The following DLG2 variants were observed in gnomAD, a reference collection of about 807,000 sequenced individuals.
DLG2 encodes the protein discs large MAGUK scaffold protein 2.
Under a neutral mutation model 132.5 loss-of-function variants are expected in DLG2, and 45 were observed. That is an observed-to-expected ratio of 0.34 (90% CI 0.27 to 0.44). The LOEUF is 0.44. Ranked by LOEUF, DLG2 falls within the 20% of genes least tolerant of loss-of-function variation. DLG2 has a pLI of 1.00. For synonymous variants in DLG2, 424 were observed against 419.6 expected (o/e 1.01, Z -0.13); for missense variants, 1,045 against 1,196.9 (o/e 0.87, Z 1.87).
At chr11:85,487,588 T>C (rs1362203030) in intron 3 of DLG2, among the ~76,000 whole-genome samples, 1 of 151,774 alleles carries the variant, frequency 6.6e-6, no homozygotes, top group African/African-American at 2.4e-5. Flanking sequence ...AACAATTTCA[T>C]AACTTGAAGA....
chr11:85,372,846 C>T (rs796421110), intron 3 of DLG2, among the ~76,000 whole-genome samples: 2 of 152,274 alleles, frequency 1.3e-5, no homozygotes, highest in African/African-American at 4.8e-5. Context: ...TGAAGTACCC[C>T]TGGTATCTGT....
intron 6 of DLG2, among the ~76,000 whole-genome samples, chr11:84,990,178 C>T (rs2056931834): frequency 6.6e-6 from 1 of 152,152 alleles, no homozygotes; most frequent in South Asian, 2.1e-4. Flanking sequence ...TAAAAATAGG[C>T]CAGTGACTTC....
At chr11:85,512,169 G>A (rs1161629374) in intron 3 of DLG2, among the ~76,000 whole-genome samples, 1 of 152,010 alleles carries the variant, frequency 6.6e-6, no homozygotes, top group African/African-American at 2.4e-5. Context: ...GGCATCAAAT[G>A]AAAGATTTCT....
chr11:84,931,670 C>T (rs2048105600), intron 6 of DLG2, among the ~76,000 whole-genome samples: 1 of 152,130 alleles, frequency 6.6e-6, no homozygotes, highest in Non-Finnish European at 1.5e-5. Flanking sequence ...GTCTTGAGGT[C>T]TTTGAGGAAA....
At chr11:84,232,592 T>C (rs1038868718) in intron 8 of DLG2, among the ~76,000 whole-genome samples, 4 of 152,110 alleles carry the variant, frequency 2.6e-5, no homozygotes, top group Non-Finnish European at 5.9e-5. Context: ...TTAGAGTTCT[T>C]AGAAGAAGAT....
chr11:84,351,436 A>T (rs1287802824), intron 7 of DLG2, among the ~76,000 whole-genome samples: 1 of 152,146 alleles, frequency 6.6e-6, no homozygotes, highest in Non-Finnish European at 1.5e-5. Flanking sequence ...ATGCATACAT[A>T]CTCACGTAAA....
intron 7 of DLG2, among the ~76,000 whole-genome samples, chr11:84,289,170 A>G (rs1394760881): frequency 6.6e-6 from 1 of 152,166 alleles, no homozygotes; most frequent in Non-Finnish European, 1.5e-5. Context: ...CTAATTAAAA[A>G]GTTAATCCTT....
In DLG2 at chr11:84,178,533, T is replaced by G. The variant is rs1447275023; in HGVS notation, c.574-15022A>C. ...AGGAGATAGGAAAAGGAAGGCCTATTCGAAAATAAAATCTCAGGCCAAGTT... is the reference window on the plus strand; with the variant it reads ...AGGAGATAGGAAAAGGAAGGCCTATGCGAAAATAAAATCTCAGGCCAAGTT... On this transcript the variant is annotated intron_variant, in intron 8 of 27. Coordinates refer to ENST00000376104, the MANE Select transcript of DLG2 (RefSeq NM_001142699.3). Among the ~76,000 whole-genome samples, 8 of 152,110 alleles carry G rather than the reference T, an allele frequency of 5.3e-5. No individual in the cohort carries two copies. In the South Asian group the frequency reaches 1.2e-3, roughly 24 times the overall value.
chr11:84,530,412 T>C (rs1435906894), intron 7 of DLG2, among the ~76,000 whole-genome samples: 1 of 152,102 alleles, frequency 6.6e-6, no homozygotes, highest in African/African-American at 2.4e-5. Flanking sequence ...GGGTCTAATA[T>C]TCAGAATCCA....
chr11:84,848,942 G>T (rs183419532), intron 6 of DLG2, among the ~76,000 whole-genome samples: 13 of 152,300 alleles, frequency 8.5e-5, no homozygotes, highest in Non-Finnish European at 1.6e-4. Context: ...ATACATAACA[G>T]AGGTAATACA....
At chr11:84,357,614 A>G (rs1031763095) in intron 7 of DLG2, among the ~76,000 whole-genome samples, 4 of 152,064 alleles carry the variant, frequency 2.6e-5, no homozygotes, top group Non-Finnish European at 5.9e-5. Flanking sequence ...TGCTAAAAGT[A>G]GAGGGGGCAG....
chr11:84,732,513 C>G (rs183287647), intron 6 of DLG2, among the ~76,000 whole-genome samples: 1 of 151,854 alleles, frequency 6.6e-6, no homozygotes, highest in Non-Finnish European at 1.5e-5. Flanking sequence ...TCCTTAATGA[C>G]TCATTGTGTT....
chr11:84,308,604 G>A (rs1049123781), intron 7 of DLG2, among the ~76,000 whole-genome samples: 5 of 152,278 alleles, frequency 3.3e-5, no homozygotes, highest in African/African-American at 7.2e-5. Flanking sequence ...AGCAGGGGGC[G>A]GCGCTGGTAG....
intron 15 of DLG2, among the ~76,000 whole-genome samples, chr11:83,878,139 T>C (rs1439182532): frequency 6.6e-6 from 1 of 152,178 alleles, no homozygotes; most frequent in Non-Finnish European, 1.5e-5. Context: ...TACATATCCA[T>C]AATAGCACCC....
chr11:84,771,655 G>A (rs1213265093), intron 6 of DLG2, among the ~76,000 whole-genome samples: 3 of 152,108 alleles, frequency 2.0e-5, no homozygotes, highest in Admixed American at 1.3e-4. Flanking sequence ...TTTATAAACA[G>A]AAATGAGAGA....
At chr11:83,959,723 A>T (rs1266341793) in intron 14 of DLG2, among the ~76,000 whole-genome samples, 1 of 152,076 alleles carries the variant, frequency 6.6e-6, no homozygotes, top group Non-Finnish European at 1.5e-5. Flanking sequence ...AGCACTACCA[A>T]CCAGGGATGC....
At chr11:84,448,290 AT>A (rs2099041478) in intron 7 of DLG2, among the ~76,000 whole-genome samples, 1 of 152,022 alleles carries the variant, frequency 6.6e-6, no homozygotes, top group South Asian at 2.1e-4. Context: ...CTTAGTTTTA[AT>A]TTCATTTCCA....
intron 7 of DLG2, among the ~76,000 whole-genome samples, chr11:84,343,133 G>A (rs1045687126): frequency 2.6e-5 from 4 of 152,202 alleles, no homozygotes; most frequent in Non-Finnish European, 5.9e-5. Flanking sequence ...CTGGAGAAGA[G>A]AAAGCTTTGC....
chr11:85,473,171 C>G (rs1356371841), intron 3 of DLG2, among the ~76,000 whole-genome samples: 1 of 152,246 alleles, frequency 6.6e-6, no homozygotes, highest in Non-Finnish European at 1.5e-5. Context: ...CTGGCTTGCC[C>G]TTGGTGGGCC....
Sources: allele counts gnomAD v4.1 joint callset (sites outside exome capture counted in the v4.1 genomes callset), GRCh38; gene constraint gnomAD v4.1.1; transcripts MANE v1.5; gene names NCBI Gene and HGNC (gene_info 2026-07-23, HGNC 2026-07-21).